PLEC: variants seen among roughly 807,000 people sequenced by gnomAD.
PLEC encodes the protein hemidesmosomal protein 1.
PLEC carries 216 observed loss-of-function variants against 392.8 expected under a neutral mutation model. That is an observed-to-expected ratio of 0.55 (90% CI 0.49 to 0.62). The LOEUF is 0.62. PLEC is among the 20% of genes least tolerant of loss of function. The pLI is 0.00. For missense variants in PLEC, 6,863 were observed against 6,563.4 expected (o/e 1.05, Z -1.58); for synonymous variants, 3,621 against 2,980.6 (o/e 1.21, Z -7.00).
chr8:143,921,020 G>A lies in PLEC; in HGVS notation c.8801C>T (p.Thr2934Met), dbSNP rs368122904. The change falls in exon 32 of 32, where the codon ACG becomes ATG. Residue 2934 changes from threonine to methionine, a missense_variant. Transcript: ENST00000345136. Reference sequence around the variant, plus strand: ...CAGCAGGTCCCGCCGCTGCTCTGCCGTGAAGTATTCCGAGTTGATGATCTC... The same window carrying A: ...CAGCAGGTCCCGCCGCTGCTCTGCCATGAAGTATTCCGAGTTGATGATCTC... ...IWEIINSEYF[T>M]AEQRRDLLRQ... 7.7e-5 allele frequency: 125 copies of A among 1,612,996 alleles called. No individual in the cohort carries two copies. The highest frequency in any genetic ancestry group is 3.1e-4 in the African/African-American group (23 of 74,930).
At position 143,925,044 on chromosome 8, in the gene PLEC, G is replaced by T; in HGVS notation, c.4885C>A (p.Arg1629=). The T allele has an allele frequency of 6.4e-7, 1 of 1,556,142 alleles. No homozygotes were observed. The highest frequency in any genetic ancestry group is 8.6e-7 in the Non-Finnish European group (1 of 1,158,446). Residue 1629 remains arginine (R), a synonymous_variant, in exon 31 of 32, where the codon CGG becomes AGG. Transcript: ENST00000345136. ...EAERAREEAE[R]ELERWQLKAN... ...TTGAGCTGCCAGCGCTCCAGCTCCC[G>T]CTCTGCCTCCTCGCGCGCCCGCTCG...
rs542255749 is a variant in PLEC, at chr8:143,924,826, C to T, written c.5103G>A (p.Ala1701=). The change falls in exon 31 of 32, where the codon GCG becomes GCA. Residue 1701 remains alanine (A), a synonymous_variant. Transcript: ENST00000345136. ...EQELEKQRQL[A]EGTAQQRLAA... Reference sequence around the variant, plus strand: ...CCAGGCGCTGCTGCGCGGTGCCTTCCGCCAGCTGCCGCTGCTTCTCCAGCT... The same window carrying T: ...CCAGGCGCTGCTGCGCGGTGCCTTCTGCCAGCTGCCGCTGCTTCTCCAGCT... The T allele has an allele frequency of 1.5e-4, 228 of 1,548,490 alleles. No homozygotes were observed. The highest frequency in any genetic ancestry group is 6.1e-4 in the East Asian group (25 of 41,316).
chr8:143,919,654 C>T lies in PLEC; in HGVS notation c.10167G>A (p.Leu3389=). 1.9e-6 allele frequency: 3 copies of T among 1,591,706 alleles called. No individual in the cohort carries two copies. Among genetic ancestry groups the T allele is most frequent in the Non-Finnish European group, 2.6e-6 (3 of 1,171,372 alleles). Residue 3389 remains leucine (L), a synonymous_variant, in exon 32 of 32, where the codon CTG becomes CTA. Coordinates refer to ENST00000345136, the MANE Select transcript of PLEC (RefSeq NM_201384.3). ...LLRATTAALL[L]EAQAATGFLV... is the part of the protein sequence containing the mutation. ...GGAAGCCAGTGGCCGCCTGCGCCTC[C>T]AGCAGGAGCGCAGCCGTTGTGGCTC...
chr8:143,938,039 T>C (rs1163303489), intron 3 of PLEC, 112 bp downstream of exon 3: 3 of 745,624 alleles, frequency 4.0e-6, no homozygotes, highest in African/African-American at 1.8e-5. Context: ...GCAGGAGGGG[T>C]TGAGCTGGAT....
chr8:143,937,225 C>A lies in PLEC; in HGVS notation c.282G>T (p.Arg94Ser). The change falls in exon 4 of 32, where the codon AGG (arginine) becomes AGT (serine). Residue 94 changes from arginine (R) to serine (S), a missense_variant. Physicochemically the swap from Arg to Ser is moderately radical, Grantham distance 110. Transcript: ENST00000345136. ...SGDSLPREKG[R>S]MRFHKLQNVQ... ...CATTCTGCAGCTTGTGGAAACGCATCCTCCCCTTCTCCCGGGGCTGTGGGG... is the reference window on the plus strand; with the variant it reads ...CATTCTGCAGCTTGTGGAAACGCATACTCCCCTTCTCCCGGGGCTGTGGGG... 1 of 1,612,642 alleles carries A rather than the reference C, an allele frequency of 6.2e-7. No individual in the cohort carries two copies. The highest frequency in any genetic ancestry group is 1.1e-5 in the South Asian group (1 of 91,086).
chr8:143,950,524 G>A (rs1173950523), exon 1 of PLEC: 3 of 1,607,590 alleles, frequency 1.9e-6, no homozygotes, highest in East Asian at 2.2e-5. Flanking sequence ...AGGTCTCGCG[G>A]ACCAGGCCCC....
chr8:143,952,220 A>ACACACACGCGCG (rs782520190), upstream of PLEC, among the ~76,000 whole-genome samples: 3 of 139,784 alleles, frequency 2.1e-5, no homozygotes, highest in South Asian at 2.1e-4. Context: ...GCGCGCACAC[A>ACACACACGCGCG]CGCACGCGCA....
rs1448698820 is a variant in PLEC, at chr8:143,922,379, T to C, written c.7442A>G (p.Gln2481Arg). The C allele has an allele frequency of 3.1e-6, 5 of 1,602,444 alleles. No individual in the cohort carries two copies. The African/African-American group carries it at 5.3e-5, about 17-fold the overall frequency. ...LKSEEMQTVQ[Q>R]EQLLQETQAL... Reference sequence around the variant, plus strand: ...CTGCGTCTCCTGCAGCAGCTGCTCCTGCTGCACCGTCTGCATCTGCAGAAG... The same window carrying C: ...CTGCGTCTCCTGCAGCAGCTGCTCCCGCTGCACCGTCTGCATCTGCAGAAG... Residue 2481 changes from glutamine to arginine, a missense_variant, in exon 32 of 32, where the codon CAG becomes CGG. Transcript: ENST00000345136.
chr8:143,916,559 G>A lies in PLEC; in HGVS notation c.13262C>T (p.Thr4421Ile). 1 of 1,611,692 alleles carries A rather than the reference G, an allele frequency of 6.2e-7. No individual in the cohort carries two copies. The highest frequency in any genetic ancestry group is 8.5e-7 in the Non-Finnish European group (1 of 1,179,532). Residue 4421 changes from threonine to isoleucine, a missense_variant, in exon 32 of 32, where the codon ACC becomes ATC. Transcript: ENST00000345136. Reference protein sequence around the residue: ...ALQRGTVDARTAQKLRDVGAY... With the variant: ...ALQRGTVDARIAQKLRDVGAY... ...GCCCACGTCACGCAGCTTCTGTGCG[G>A]TGCGGGCGTCCACCGTGCCGCGCTG...
At chr8:143,929,899 C>T (rs782762637) in intron 22 of PLEC, 37 bp downstream of exon 22, 2 of 1,604,954 alleles carry the variant, frequency 1.2e-6, no homozygotes, top group East Asian at 2.2e-5. Flanking sequence ...CTCCCCTCCT[C>T]CCACCCAGAG....
chr8:143,972,803 G>T (rs1833497501), intron 1 of PLEC, among the ~76,000 whole-genome samples: 1 of 152,210 alleles, frequency 6.6e-6, no homozygotes, highest in African/African-American at 2.4e-5. Context: ...GGGCAAGGGG[G>T]TCTGCCGAGG....
At chr8:143,950,376 G>A (rs781953908) in exon 1 of PLEC, 37 of 1,596,308 alleles carry the variant, frequency 2.3e-5, no homozygotes, top group South Asian at 2.2e-4. Flanking sequence ...GGGGTGCGGC[G>A]TGCGGGCATC....
In PLEC at chr8:143,922,191, C is replaced by T. The variant is rs1307426807; in HGVS notation, c.7630G>A (p.Glu2544Lys). 1 of 1,549,012 alleles carries T rather than the reference C, an allele frequency of 6.5e-7. No homozygotes were observed. The highest frequency in any genetic ancestry group is 8.7e-7 in the Non-Finnish European group (1 of 1,151,392). Residue 2544 changes from glutamate to lysine, a missense_variant, in exon 32 of 32, where the codon GAA becomes AAA. Coordinates refer to ENST00000345136, the MANE Select transcript of PLEC (RefSeq NM_201384.3). ...QQRQQQQMEQERQRLVASMEE... is the reference protein window; with the variant it reads ...QQRQQQQMEQKRQRLVASMEE... Reference sequence around the variant, plus strand: ...ATGCTGGCCACCAGCCGCTGCCGTTCCTGCTCCATCTGCTGCTGCTGCCGC... The same window carrying T: ...ATGCTGGCCACCAGCCGCTGCCGTTTCTGCTCCATCTGCTGCTGCTGCCGC...
rs1554725267 is a variant in PLEC at position 143,938,250 on chromosome 8, C to T, written c.175-10G>A. On this transcript the variant is annotated splice_polypyrimidine_tract_variant and intron_variant, in intron 2 of 31. Transcript: ENST00000345136. Reference sequence around the variant, plus strand: ...TGATGTGCCTCTGGGCCTGTGGGGACAGCAGCGGCTGAGGTGGCCAGTCCC... The same window carrying T: ...TGATGTGCCTCTGGGCCTGTGGGGATAGCAGCGGCTGAGGTGGCCAGTCCC... 6.3e-7 allele frequency: 1 copy of T among 1,588,046 alleles called. No homozygotes were observed. The highest frequency in any genetic ancestry group is 8.6e-7 in the Non-Finnish European group (1 of 1,169,172).
intron 1 of PLEC, among the ~76,000 whole-genome samples, 194 bp downstream of exon 1, chr8:143,939,156 C>T (rs183496713): frequency 2.3e-3 from 350 of 152,344 alleles, no homozygotes; most frequent in African/African-American, 8.1e-3. Context: ...CGACATCTGA[C>T]GCTCGGAGGC....
At chr8:143,931,879 C>T (rs1827367237) in intron 18 of PLEC, 58 bp downstream of exon 18, 1 of 1,501,504 alleles carries the variant, frequency 6.7e-7, no homozygotes, top group African/African-American at 1.4e-5. Flanking sequence ...CGAGGGGGTC[C>T]AGGGGCTCCT....
intron 19 of PLEC, among the ~76,000 whole-genome samples, chr8:143,931,042 G>A (rs1410805466): frequency 2.6e-5 from 4 of 152,132 alleles, no homozygotes; most frequent in Non-Finnish European, 5.9e-5. Flanking sequence ...AGAGCACAAA[G>A]CCCAGTTCCA....
At position 143,920,383 on chromosome 8, in the gene PLEC, G is replaced by A. The variant is rs1554681568; in HGVS notation, c.9438C>T (p.Pro3146=). ...CCAGGGGCACGCGGTGGCTCTTGCT[G>A]GGGTCCACGATGCCGCCCGTGGACA... ...AQLSTGGIVD[P]SKSHRVPLDV... is the part of the protein sequence containing the mutation. Residue 3146 remains proline, a synonymous_variant, in exon 32 of 32, where the codon CCC becomes CCT. Transcript: ENST00000345136. 1.9e-6 allele frequency: 3 copies of A among 1,592,686 alleles called. No individual in the cohort carries two copies. The highest frequency in any genetic ancestry group is 1.7e-6 in the Non-Finnish European group (2 of 1,172,886).
intron 25 of PLEC, 90 bp downstream of exon 25, chr8:143,929,013 T>TCCCTCCTGCA (rs1554710052): frequency 8.2e-7 from 1 of 1,216,640 alleles, no homozygotes; most frequent in African/African-American, 1.5e-5. Flanking sequence ...CCCAACTCGT[T>TCCCTCCTGCA]CCCTCCTGCA....
Sources: gnomAD v4.1 joint callset for allele counts (sites outside exome capture counted in the v4.1 genomes callset) on GRCh38, gnomAD v4.1.1 for gene constraint, MANE v1.5 for transcripts, NCBI Gene and HGNC (gene_info 2026-07-23, HGNC 2026-07-21) for gene names.